CCDC88C: variants seen among roughly 807,000 people sequenced by gnomAD.
CCDC88C encodes the protein protein Daple.
In CCDC88C, 131 loss-of-function variants were observed where a neutral mutation model predicts 198.8. That is an observed-to-expected ratio of 0.66 (90% CI 0.57 to 0.76). The LOEUF is 0.76. CCDC88C is among the 30% of genes least tolerant of loss of function. The probability of loss-of-function intolerance (pLI) is 0.00; values close to 1 mark genes in which losing one functional copy is unlikely to be tolerated. For synonymous variants in CCDC88C, 1,166 were observed against 1,114.7 expected (o/e 1.05, Z -0.92); for missense variants, 2,553 against 2,631.6 (o/e 0.97, Z 0.65).
In CCDC88C at chr14:91,273,761, A is replaced by G; in HGVS notation, c.5059-108T>C. ...GAGCAGCCCACGTGGCTGGGACCGC[A>G]GTTCCTGCCTGCCTTCTCCGAGGCA... On this transcript the variant is annotated intron_variant, in intron 29 of 29. Coordinates refer to ENST00000389857, the MANE Select transcript of CCDC88C (RefSeq NM_001080414.4). The surrounding 1 kb of genome is among the most constrained non-coding windows in gnomAD (Gnocchi z 5.6). 2.2e-6 allele frequency: 2 copies of G among 928,774 alleles called. No individual in the cohort carries two copies. Among genetic ancestry groups the G allele is most frequent in the Non-Finnish European group, 3.0e-6 (2 of 675,766 alleles). The allele number at this position is 928,774 out of a possible 1,614,324, so 57.5% of individuals were successfully genotyped here.
chr14:91,414,171 C>A (rs1567130920), intron 2 of CCDC88C, among the ~76,000 whole-genome samples: 1 of 152,202 alleles, frequency 6.6e-6, no homozygotes, highest in Non-Finnish European at 1.5e-5. Flanking sequence ...AAAAAAAGAA[C>A]TTTTAGTTGG....
intron 13 of CCDC88C, among the ~76,000 whole-genome samples, chr14:91,316,320 C>T (rs1476340139): frequency 1.3e-5 from 2 of 152,316 alleles, no homozygotes; most frequent in East Asian, 3.9e-4. Flanking sequence ...ATGCCAGAAC[C>T]CACCTGTTCG....
In CCDC88C at chr14:91,307,227, C is replaced by T; in HGVS notation, c.3007-1G>A. The T allele has an allele frequency of 6.2e-7, 1 of 1,612,640 alleles. No homozygotes were observed. The highest frequency in any genetic ancestry group is 8.5e-7 in the Non-Finnish European group (1 of 1,179,808). ...TGAGGGTCTCACACTCCTTCTTTAG[C>T]TACAGGTGTGACAATAAGCAAGGAG... On this transcript the variant is annotated splice_acceptor_variant, in intron 17 of 29. Transcript: ENST00000389857. LOFTEE classifies it high-confidence loss of function.
intron 3 of CCDC88C, among the ~76,000 whole-genome samples, chr14:91,395,675 C>T (rs1885799007): frequency 6.6e-6 from 1 of 152,110 alleles, no homozygotes. Flanking sequence ...CCTGCCTGCT[C>T]CCTCCCCAGG....
At chr14:91,366,159 C>CACACACAA (rs1239372301) in intron 3 of CCDC88C, among the ~76,000 whole-genome samples, 11 of 79,960 alleles carry the variant, frequency 1.4e-4, no homozygotes, top group African/African-American at 1.2e-3. Flanking sequence ...AAAATACACA[C>CACACACAA]ACACACACAC....
chr14:91,324,786 C>G lies in CCDC88C; in HGVS notation c.1335G>C (p.Leu445Phe). Residue 445 changes from leucine to phenylalanine, a missense_variant, in exon 12 of 30, where the codon TTG becomes TTC. By Grantham distance (22) the Leu-to-Phe change is conservative. Coordinates refer to ENST00000389857, the MANE Select transcript of CCDC88C (RefSeq NM_001080414.4). ...ELEQLSKNAD[L>F]SDASRKSFVF... ...GCACCAGGCGCTACCTACCGTCTGACAAGTCTGCGTTCTTGGACAGCTGCT... is the reference window on the plus strand; with the variant it reads ...GCACCAGGCGCTACCTACCGTCTGAGAAGTCTGCGTTCTTGGACAGCTGCT... 6.2e-7 allele frequency: 1 copy of G among 1,611,436 alleles called. No individual in the cohort carries two copies. Among genetic ancestry groups the G allele is most frequent in the East Asian group, 2.2e-5 (1 of 44,894 alleles).
chr14:91,404,551 C>G (rs1395947515), intron 3 of CCDC88C, among the ~76,000 whole-genome samples: 1 of 152,210 alleles, frequency 6.6e-6, no homozygotes, highest in African/African-American at 2.4e-5. Context: ...GCATCTCTAA[C>G]AAGCTCCCAG....
At chr14:91,361,510 G>A (rs1177128502) in intron 3 of CCDC88C, among the ~76,000 whole-genome samples, 1 of 152,134 alleles carries the variant, frequency 6.6e-6, no homozygotes, top group Non-Finnish European at 1.5e-5. Context: ...GTCTTTCTAT[G>A]GCTCCTATCC....
chr14:91,286,626 C>A (rs1890418919), intron 25 of CCDC88C, among the ~76,000 whole-genome samples: 1 of 152,256 alleles, frequency 6.6e-6, no homozygotes. Flanking sequence ...TCCTCCACAG[C>A]ACCACCTGGT....
intron 3 of CCDC88C, among the ~76,000 whole-genome samples, chr14:91,360,345 G>C (rs1442634611): frequency 6.6e-6 from 1 of 151,980 alleles, no homozygotes; most frequent in Non-Finnish European, 1.5e-5. Context: ...CTACTTGGGA[G>C]GCTGAGGTGG....
chr14:91,384,890 C>T (rs909160583), intron 3 of CCDC88C, among the ~76,000 whole-genome samples: 2 of 152,156 alleles, frequency 1.3e-5, no homozygotes, highest in South Asian at 2.1e-4. Flanking sequence ...ATCCACAGCA[C>T]GGGGGTGGTT....
chr14:91,333,688 G>T (rs1291012878), intron 10 of CCDC88C, among the ~76,000 whole-genome samples: 2 of 152,150 alleles, frequency 1.3e-5, no homozygotes, highest in African/African-American at 2.4e-5. Context: ...TTTTTTAAGG[G>T]GGGCAAGATG....
intron 29 of CCDC88C, 145 bp downstream of exon 29, chr14:91,277,777 T>G (rs932303606): frequency 2.2e-5 from 19 of 880,444 alleles, no homozygotes; most frequent in Admixed American, 3.5e-5. Flanking sequence ...TGTCAGCTAG[T>G]GCTCTAGTCA....
At chr14:91,395,695 C>A (rs368904336) in intron 3 of CCDC88C, among the ~76,000 whole-genome samples, 26 of 152,266 alleles carry the variant, frequency 1.7e-4, no homozygotes, top group African/African-American at 5.3e-4. Context: ...GCCACCAGCC[C>A]CCAGGCCAGG....
intron 3 of CCDC88C, among the ~76,000 whole-genome samples, chr14:91,401,282 T>TTATATAA (rs1434793563): frequency 4.0e-4 from 57 of 142,740 alleles, no homozygotes; most frequent in Middle Eastern, 3.6e-3. Flanking sequence ...ATATTATATA[T>TTATATAA]TATATACATT....
chr14:91,292,521 G>A (rs759080477), intron 23 of CCDC88C, among the ~76,000 whole-genome samples: 2 of 152,110 alleles, frequency 1.3e-5, no homozygotes, highest in Non-Finnish European at 2.9e-5. Flanking sequence ...CCATCCTCCC[G>A]AAGGTGGCAC....
At chr14:91,317,659 G>A (rs1596064547) in intron 13 of CCDC88C, among the ~76,000 whole-genome samples, 2 of 152,240 alleles carry the variant, frequency 1.3e-5, no homozygotes, top group Admixed American at 6.5e-5. Context: ...GGAGGAGAGA[G>A]CTCCAGGCTT....
chr14:91,273,158 TG>T lies in CCDC88C; in HGVS notation c.5553del (p.Ser1852AlafsTer213). On this transcript the variant is annotated frameshift_variant, in exon 30 of 30. Coordinates refer to ENST00000389857, the MANE Select transcript of CCDC88C (RefSeq NM_001080414.4). LOFTEE classifies it low-confidence loss of function (END_TRUNC). This position sits in a 1 kb window ranked among gnomAD's most constrained non-coding sequence, Gnocchi z 5.6. ...GSHTLQSPAP[P>X]SSHSLARERT... ...CGCTCCCGGGCCAGGCTATGGGAGC[TG>T]GGGGGTGCGGGGCTTTGCAGGGTGT... 3.2e-6 allele frequency: 5 copies of T among 1,581,176 alleles called. No homozygotes were observed. Among genetic ancestry groups the T allele is most frequent in the East Asian group, 2.3e-5 (1 of 43,226 alleles).
intron 20 of CCDC88C, among the ~76,000 whole-genome samples, chr14:91,303,434 C>T (rs1240303205): frequency 6.7e-6 from 1 of 148,878 alleles, no homozygotes; most frequent in Non-Finnish European, 1.5e-5. Flanking sequence ...CTCCCCCAGA[C>T]CCCGCCTCTC....
Sources: allele counts gnomAD v4.1 joint callset (sites outside exome capture counted in the v4.1 genomes callset), GRCh38; gene constraint gnomAD v4.1.1; non-coding constraint Gnocchi (gnomAD v3.1); transcripts MANE v1.5; gene names NCBI Gene and HGNC (gene_info 2026-07-23, HGNC 2026-07-21).